AFG1L: variants seen among roughly 807,000 people sequenced by gnomAD.
The protein encoded by AFG1L is AFG1 like ATPase.
In AFG1L, 53 loss-of-function variants were observed where a neutral mutation model predicts 62.2. The observed-to-expected ratio is 0.85, with a 90% CI of 0.68 to 1.07. AFG1L has a LOEUF of 1.07. Ranked by LOEUF, AFG1L falls within the 50% of genes least tolerant of loss-of-function variation. The pLI is 0.00. For missense variants in AFG1L, 555 were observed against 590.5 expected (o/e 0.94, Z 0.62); for synonymous variants, 228 against 210.3 (o/e 1.08, Z -0.73).
chr6:108,356,931 C>A, intron 5 of AFG1L, 111 bp downstream of exon 5: 2 of 907,612 alleles, frequency 2.2e-6, no homozygotes, highest in Non-Finnish European at 3.3e-6. Flanking sequence ...GACACATTAT[C>A]TCTTACTGCT....
chr6:108,295,728 A>G (rs1437729033), intron 1 of AFG1L: 3 of 152,654 alleles, frequency 2.0e-5, no homozygotes, highest in African/African-American at 7.2e-5. Context: ...CTTCAGTGGA[A>G]TTATTTTGTC....
At chr6:108,300,318 T>A (rs1407823519) in intron 1 of AFG1L, among the ~76,000 whole-genome samples, 1 of 151,952 alleles carries the variant, frequency 6.6e-6, no homozygotes, top group East Asian at 1.9e-4. Flanking sequence ...CCCAGCTAAT[T>A]TTTTTGTATT....
intron 7 of AFG1L, among the ~76,000 whole-genome samples, chr6:108,406,623 A>G (rs1395807450): frequency 1.3e-5 from 2 of 152,098 alleles, no homozygotes; most frequent in African/African-American, 4.8e-5. Flanking sequence ...TTTTTGGTAG[A>G]GATGGGGTTT....
intron 7 of AFG1L, among the ~76,000 whole-genome samples, chr6:108,446,478 A>ACT (rs71732762): frequency 7.4e-5 from 9 of 120,870 alleles, no homozygotes; most frequent in African/African-American, 2.4e-4. Context: ...TTCTGGCCCA[A>ACT]CTCTCTCTCT....
At chr6:108,359,712 G>A (rs2114474727) in intron 5 of AFG1L, 1 of 152,260 alleles carries the variant, frequency 6.6e-6, no homozygotes, top group East Asian at 1.9e-4. Flanking sequence ...CCTCTCTATT[G>A]AATTTCAACT....
chr6:108,442,988 T>C (rs1379804228), intron 7 of AFG1L, among the ~76,000 whole-genome samples: 1 of 152,214 alleles, frequency 6.6e-6, no homozygotes, highest in Non-Finnish European at 1.5e-5. Flanking sequence ...CAACCCAGGA[T>C]GCACTTTCAG....
At chr6:108,339,660 A>G (rs1298001706) in intron 2 of AFG1L, among the ~76,000 whole-genome samples, 8 of 152,160 alleles carry the variant, frequency 5.3e-5, no homozygotes, top group South Asian at 2.1e-4. Flanking sequence ...GGGTTTCACC[A>G]TGTTGGCTAG....
At chr6:108,421,777 T>G (rs1336265607) in intron 7 of AFG1L, among the ~76,000 whole-genome samples, 1 of 151,908 alleles carries the variant, frequency 6.6e-6, no homozygotes, top group African/African-American at 2.4e-5. Flanking sequence ...TTAATCTCAG[T>G]TTTTTTTCTT....
intron 7 of AFG1L, among the ~76,000 whole-genome samples, chr6:108,426,317 A>C (rs1238635375): frequency 6.6e-6 from 1 of 152,122 alleles, no homozygotes; most frequent in African/African-American, 2.4e-5. Flanking sequence ...TGAAAAACTA[A>C]TTTTGCAAAG....
At chr6:108,339,079 A>G (rs1206447312) in intron 2 of AFG1L, among the ~76,000 whole-genome samples, 1 of 152,102 alleles carries the variant, frequency 6.6e-6, no homozygotes, top group Admixed American at 6.6e-5. Flanking sequence ...TATTCTTTCA[A>G]CGTTAAAGCA....
At chr6:108,457,671 A>G (rs1490597616) in intron 8 of AFG1L, among the ~76,000 whole-genome samples, 2 of 152,152 alleles carry the variant, frequency 1.3e-5, no homozygotes, top group East Asian at 3.9e-4. Context: ...TTACCTACAT[A>G]TTTACTATTT....
At chr6:108,458,547 T>G (rs767043666) in intron 8 of AFG1L, among the ~76,000 whole-genome samples, 3 of 152,154 alleles carry the variant, frequency 2.0e-5, no homozygotes, top group Non-Finnish European at 2.9e-5. Context: ...ACTCCTGGAC[T>G]CAAGAGATTC....
At chr6:108,367,900 A>G (rs902289204) in intron 6 of AFG1L, among the ~76,000 whole-genome samples, 2 of 152,190 alleles carry the variant, frequency 1.3e-5, no homozygotes, top group African/African-American at 2.4e-5. Flanking sequence ...GCAATTAGTA[A>G]CATGGAATTC....
At chr6:108,435,196 A>G (rs550737987) in intron 7 of AFG1L, among the ~76,000 whole-genome samples, 1 of 152,308 alleles carries the variant, frequency 6.6e-6, no homozygotes, top group South Asian at 2.1e-4. Context: ...ACACATAACG[A>G]TTATAAACCA....
intron 1 of AFG1L, among the ~76,000 whole-genome samples, chr6:108,301,378 C>T (rs1446508411): frequency 6.6e-6 from 1 of 152,128 alleles, no homozygotes. Flanking sequence ...CTGACATTTC[C>T]CCCCACTCCC....
intron 10 of AFG1L, among the ~76,000 whole-genome samples, chr6:108,508,885 C>T (rs1255608413): frequency 6.6e-6 from 1 of 152,150 alleles, no homozygotes; most frequent in Non-Finnish European, 1.5e-5. Flanking sequence ...CATTTCTGGA[C>T]AGGGAGGAAT....
chr6:108,498,998 T>C (rs543840519), intron 10 of AFG1L, among the ~76,000 whole-genome samples: 2 of 152,194 alleles, frequency 1.3e-5, no homozygotes, highest in Non-Finnish European at 1.5e-5. Flanking sequence ...ACATGAAATA[T>C]TGAATTTGAA....
intron 8 of AFG1L, among the ~76,000 whole-genome samples, chr6:108,472,187 G>C (rs1455352215): frequency 6.6e-6 from 1 of 152,098 alleles, no homozygotes; most frequent in African/African-American, 2.4e-5. Context: ...AAATAGAATA[G>C]AGCAGTCATT....
chr6:108,485,781 C>T (rs1235796346), intron 10 of AFG1L, among the ~76,000 whole-genome samples: 1 of 146,498 alleles, frequency 6.8e-6, no homozygotes, highest in Admixed American at 6.9e-5. Context: ...AGCAATCCTT[C>T]CCACCTCAGC....
Sources: allele counts gnomAD v4.1 joint callset (sites outside exome capture counted in the v4.1 genomes callset), GRCh38; gene constraint gnomAD v4.1.1; transcripts MANE v1.5; gene names NCBI Gene and HGNC (gene_info 2026-07-23, HGNC 2026-07-21).